The following LONRF2 variants were observed in gnomAD, a reference collection of about 807,000 sequenced individuals.
LONRF2 encodes the protein LON peptidase N-terminal domain and ring finger 2.
Under a neutral mutation model 66.6 loss-of-function variants are expected in LONRF2, and 35 were observed. That is an observed-to-expected ratio of 0.53 (90% CI 0.40 to 0.70). The LOEUF (loss-of-function observed/expected upper bound fraction) is 0.70. Ranked by LOEUF, LONRF2 falls within the 30% of genes least tolerant of loss-of-function variation. The pLI is 0.00. For synonymous variants in LONRF2, 417 were observed against 418.1 expected (o/e 1.00, Z 0.03); for missense variants, 902 against 1,002.1 (o/e 0.90, Z 1.35).
Position 100,281,118 on chromosome 2 carries a change from C to A in LONRF2, c.*3180G>T, listed in dbSNP as rs889476997. On this transcript the variant is annotated 3_prime_UTR_variant, in exon 12 of 12. Transcript: ENST00000393437. ...TGGAGTATTTCGATGGTAGCAACTGCCAATTTTCCAAAAAGTTTATAATAA... is the reference window on the plus strand; with the variant it reads ...TGGAGTATTTCGATGGTAGCAACTGACAATTTTCCAAAAAGTTTATAATAA... The A allele has an allele frequency of 2.6e-5, 4 of 152,142 alleles. No homozygotes were observed. The highest frequency in any genetic ancestry group is 9.7e-5 in the African/African-American group (4 of 41,426). The allele number at this position is 152,142 out of a possible 1,614,324, so 9.4% of individuals were successfully genotyped here. A position where few individuals can be genotyped will look rare whatever the true frequency, so the allele number is the denominator to read the frequency against.
At chr2:100,316,610 A>G (rs2104215678) in intron 1 of LONRF2, among the ~76,000 whole-genome samples, 1 of 151,994 alleles carries the variant, frequency 6.6e-6, no homozygotes, top group African/African-American at 2.4e-5. Flanking sequence ...GTTGGCAAAC[A>G]CAACCACAGG....
At chr2:100,310,424 T>C (rs764269471) in intron 1 of LONRF2, among the ~76,000 whole-genome samples, 2 of 152,244 alleles carry the variant, frequency 1.3e-5, no homozygotes, top group Admixed American at 6.5e-5. Flanking sequence ...CTCCAAAACC[T>C]TGACCTTGAT....
chr2:100,286,538 C>T (rs1674848534), intron 11 of LONRF2, among the ~76,000 whole-genome samples: 1 of 152,174 alleles, frequency 6.6e-6, no homozygotes, highest in African/African-American at 2.4e-5. Flanking sequence ...TTCACTTATT[C>T]AACATCTCTA....
intron 10 of LONRF2, among the ~76,000 whole-genome samples, chr2:100,289,536 A>G (rs1299769265): frequency 2.0e-5 from 3 of 148,952 alleles, no homozygotes; most frequent in African/African-American, 7.5e-5. Context: ...CCCAGGTTCA[A>G]GCAATTCTCC....
rs1283416719 is a variant in LONRF2 at position 100,282,518 on chromosome 2, G to C, written c.*1780C>G. The C allele has an allele frequency of 6.6e-6, 1 of 152,322 alleles. No individual in the cohort carries two copies. Among genetic ancestry groups the C allele is most frequent in the African/African-American group, 2.4e-5 (1 of 41,580 alleles). 9.4% of individuals were successfully genotyped at this position (152,322 alleles called of 1,614,324 possible). A position where few individuals can be genotyped will look rare whatever the true frequency, so the allele number is the denominator to read the frequency against. On this transcript the variant is annotated 3_prime_UTR_variant, in exon 12 of 12. Transcript: ENST00000393437. The stretch of plus-strand genomic sequence containing the variant: ...TCTTCTGGCATGTGAGATGCATTTT[G>C]TTTTCTTTATTTTATTCCAATCAAT...
chr2:100,293,903 T>C (rs1485197944), intron 9 of LONRF2, among the ~76,000 whole-genome samples: 1 of 151,930 alleles, frequency 6.6e-6, no homozygotes, highest in African/African-American at 2.4e-5. Flanking sequence ...ACCTCAGAAG[T>C]TGGACTAGAT....
At chr2:100,287,746 C>T (rs1490105576) in intron 10 of LONRF2, among the ~76,000 whole-genome samples, 1 of 152,172 alleles carries the variant, frequency 6.6e-6, no homozygotes, top group Non-Finnish European at 1.5e-5. Flanking sequence ...TGTTCAGGAA[C>T]ACCTGGTAGA....
intron 9 of LONRF2, among the ~76,000 whole-genome samples, chr2:100,291,783 CTA>C (rs1414076596): frequency 6.6e-6 from 1 of 152,102 alleles, no homozygotes; most frequent in Non-Finnish European, 1.5e-5. Context: ...GTATTCTAGG[CTA>C]TGTCTATTCT....
At position 100,280,314 on chromosome 2, in the gene LONRF2, T is replaced by C. The variant is rs561590015; in HGVS notation, c.*3984A>G. On this transcript the variant is annotated 3_prime_UTR_variant, in exon 12 of 12. Coordinates refer to ENST00000393437, the MANE Select transcript of LONRF2 (RefSeq NM_198461.4). ...TGATGCTGGCAAAGGGGTTCGGTTA[T>C]CTCCCTGTGTGGGCGATGGCTCACG... 6.6e-6 allele frequency: 1 copy of C among 152,122 alleles called. No homozygotes were observed. Among genetic ancestry groups the C allele is most frequent in the Non-Finnish European group, 1.5e-5 (1 of 68,070 alleles). 9.4% of individuals were successfully genotyped at this position (152,122 alleles called of 1,614,324 possible).
rs1432606955 is a variant in LONRF2, at chr2:100,309,209, T to C, written c.696A>G (p.Ser232=). The C allele has an allele frequency of 5.0e-6, 8 of 1,605,058 alleles. 1 individual carries two copies. In the East Asian group the frequency reaches 8.9e-5, roughly 18 times the overall value. ...QALELAPDDN[S]LLLLRAELYL... The stretch of plus-strand genomic sequence containing the variant: ...ATAACTCCGCCCGCAGCAGCAATAA[T>C]GAATTATCATCAGGAGCTGAAAGAC... The change falls in exon 2 of 12, where the codon TCA becomes TCG. Residue 232 remains serine (S), a synonymous_variant. Coordinates refer to ENST00000393437, the MANE Select transcript of LONRF2 (RefSeq NM_198461.4).
Position 100,321,971 on chromosome 2 carries a change from C to T in LONRF2, c.123G>A (p.Met41Ile). ...GCATGGAGCGAAAGAGCTCGGCTGC[C>T]ATCTCGTAGTCGCCCGCGCGGAAGG... ...DEAFRAGDYE[M>I]AAELFRSMLA... The change falls in exon 1 of 12, where the codon ATG becomes ATA. Residue 41 changes from methionine (M) to isoleucine (I), a missense_variant. By Grantham distance (10) the Met-to-Ile change is conservative. Around this residue, in one of 2 missense-constraint regions of LONRF2, gnomAD observed 585 missense variants for 569.9 expected, o/e 1.03. Transcript: ENST00000393437. The T allele has an allele frequency of 6.1e-6, 9 of 1,468,718 alleles. No individual in the cohort carries two copies. The highest frequency in any genetic ancestry group is 8.1e-6 in the Non-Finnish European group (9 of 1,111,932). The allele number at this position is 1,468,718 out of a possible 1,614,324, so 91.0% of individuals were successfully genotyped here.
At position 100,281,167 on chromosome 2, in the gene LONRF2, T is replaced by A. The variant is rs1381075137; in HGVS notation, c.*3131A>T. ...AAAGTGATAATATCATAGTTCATTG[T>A]TATTCTACCATCCATAAACTTCAAC... On this transcript the variant is annotated 3_prime_UTR_variant, in exon 12 of 12. Transcript: ENST00000393437. The A allele has an allele frequency of 6.6e-6, 1 of 152,254 alleles. No individual in the cohort carries two copies. Among genetic ancestry groups the A allele is most frequent in the African/African-American group, 2.4e-5 (1 of 41,464 alleles). 9.4% of individuals were successfully genotyped at this position (152,254 alleles called of 1,614,324 possible).
intron 11 of LONRF2, among the ~76,000 whole-genome samples, chr2:100,286,604 T>C (rs1674849819): frequency 6.6e-6 from 1 of 152,160 alleles, no homozygotes; most frequent in South Asian, 2.1e-4. Context: ...GCCAATACAA[T>C]AAAGTTACTA....
At position 100,272,749 on chromosome 2, in the gene LONRF2, A is replaced by G. The variant is rs939450932; in HGVS notation, c.*11549T>C. On this transcript the variant is annotated 3_prime_UTR_variant, in exon 12 of 12. Coordinates refer to ENST00000393437, the MANE Select transcript of LONRF2 (RefSeq NM_198461.4). ...CATATTCCTTTTCTTAAGAAGCACT[A>G]CCCCCTTCCTCCCAAATAAACAACT... Among the ~76,000 whole-genome samples the G allele has an allele frequency of 5.3e-5, 8 of 152,208 alleles. No homozygotes were observed. The highest frequency in any genetic ancestry group is 1.9e-4 in the African/African-American group (8 of 41,528).
intron 1 of LONRF2, among the ~76,000 whole-genome samples, chr2:100,312,532 ATTTATT>A (rs1039325311): frequency 6.6e-6 from 1 of 152,200 alleles, no homozygotes; most frequent in African/African-American, 2.4e-5. Flanking sequence ...TTTCATTTAC[ATTTATT>A]TTTAATCATT....
rs747255935 is a variant in LONRF2 at position 100,287,049 on chromosome 2, C to G, written c.1935G>C (p.Glu645Asp). Reference protein sequence around the residue: ...YLEDEKVEGPEYEELAALHDS... With the variant: ...YLEDEKVEGPDYEELAALHDS... The stretch of plus-strand genomic sequence containing the variant: ...CGTGGAGAGCGGCAAGTTCTTCATA[C>G]TCTGGACCCTCCACCTGATCAGGGA... The change falls in exon 11 of 12, where the codon GAG becomes GAC. Residue 645 changes from glutamate (E) to aspartate (D), a missense_variant. Glu to Asp is a conservative substitution (Grantham distance 45). Coordinates refer to ENST00000393437, the MANE Select transcript of LONRF2 (RefSeq NM_198461.4). 1 of 1,613,880 alleles carries G rather than the reference C, an allele frequency of 6.2e-7. No individual in the cohort carries two copies.
intron 9 of LONRF2, among the ~76,000 whole-genome samples, chr2:100,291,432 G>A (rs1045835601): frequency 5.9e-5 from 9 of 151,996 alleles, no homozygotes; most frequent in Non-Finnish European, 1.3e-4. Context: ...CCTCCCTCCT[G>A]CCTTCGCCCA....
Position 100,321,396 on chromosome 2 carries a change from C to T in LONRF2, c.679+19G>A, listed in dbSNP as rs559035392. ...CGGACAGGTGTAGGGGAGGCGGACC[C>T]GCCCCGCAGCCGACTCACCCAGCTC... On this transcript the variant is annotated intron_variant, in intron 1 of 11. Transcript: ENST00000393437. 20 of 1,416,262 alleles carry T rather than the reference C, an allele frequency of 1.4e-5. No individual in the cohort carries two copies. The South Asian group carries it at 3.0e-4, about 21-fold the overall frequency. The allele number at this position is 1,416,262 out of a possible 1,614,324, so 87.7% of individuals were successfully genotyped here.
intron 1 of LONRF2, among the ~76,000 whole-genome samples, chr2:100,311,488 T>G (rs1675408118): frequency 6.6e-6 from 1 of 152,158 alleles, no homozygotes; most frequent in Admixed American, 6.5e-5. Flanking sequence ...AGTTTCTTAT[T>G]AGTCCAATCT....
Sources: allele counts gnomAD v4.1 joint callset (sites outside exome capture counted in the v4.1 genomes callset), GRCh38; gene constraint gnomAD v4.1.1; regional missense constraint gnomAD v4.1.1; transcripts MANE v1.5; gene names NCBI Gene and HGNC (gene_info 2026-07-23, HGNC 2026-07-21).